C10orf90: variants seen among roughly 807,000 people sequenced by gnomAD.
The protein encoded by C10orf90 is chromosome 10 open reading frame 90.
Under a neutral mutation model 62.5 loss-of-function variants are expected in C10orf90, and 56 were observed. That is an observed-to-expected ratio of 0.90 (90% confidence interval 0.72 to 1.12). The LOEUF (loss-of-function observed/expected upper bound fraction) is 1.12. C10orf90 is among the 50% of genes most tolerant of loss of function. The probability of loss-of-function intolerance (pLI) is 0.00; values close to 1 mark genes in which losing one functional copy is unlikely to be tolerated. For missense variants in C10orf90, 970 were observed against 880.4 expected (o/e 1.10, Z -1.29); for synonymous variants, 386 against 340.4 (o/e 1.13, Z -1.47).
intron 2 of C10orf90, among the ~76,000 whole-genome samples, chr10:126,525,077 C>G (rs1189383910): frequency 6.6e-6 from 1 of 152,184 alleles, no homozygotes; most frequent in South Asian, 2.1e-4. Context: ...CCAGCTTCCC[C>G]CTAAGGGAGA....
chr10:126,470,751 A>G (rs1277922612), intron 4 of C10orf90, among the ~76,000 whole-genome samples: 2 of 144,984 alleles, frequency 1.4e-5, no homozygotes, highest in Non-Finnish European at 3.0e-5. Context: ...CTCTGTCTCA[A>G]AAAAAAAAAA....
chr10:126,489,105 C>T (rs1046209978), intron 4 of C10orf90, among the ~76,000 whole-genome samples: 13 of 151,984 alleles, frequency 8.6e-5, no homozygotes, highest in Middle Eastern at 6.8e-3. Flanking sequence ...TCCTCACAAA[C>T]ATAAATAAAA....
At position 126,566,802 on chromosome 10, in the gene C10orf90, A is replaced by C. The variant is rs57579499; in HGVS notation, c.314-52863T>G. Among the ~76,000 whole-genome samples, 393 of 152,244 alleles carry C rather than the reference A, an allele frequency of 2.6e-3. 2 individuals are homozygous for C. Among genetic ancestry groups the C allele is most frequent in the South Asian group, 6.2e-3 (30 of 4,828 alleles). The stretch of plus-strand genomic sequence containing the variant: ...GAGGGGCAAGAGCGGAGGCAGCGAG[A>C]CCAGTTAAGAGGATACATCTGGGAG... On this transcript the variant is annotated intron_variant, in intron 2 of 9. Transcript: ENST00000488181.
At chr10:126,506,566 A>C (rs531226705) in intron 3 of C10orf90, among the ~76,000 whole-genome samples, 4 of 152,358 alleles carry the variant, frequency 2.6e-5, no homozygotes, top group Admixed American at 6.5e-5. Flanking sequence ...GGGATGTTAC[A>C]ACTGCAAGTT....
In C10orf90 at chr10:126,586,335, C is replaced by T. The variant is rs570892585; in HGVS notation, c.313+60230G>A. The stretch of plus-strand genomic sequence containing the variant: ...GCTGGGGCTCCCCAGCAGCTGTGGC[C>T]TGGAAACCCATGGCTTTAATTAAGC... On this transcript the variant is annotated intron_variant, in intron 2 of 9. Coordinates refer to ENST00000488181, the MANE Select transcript of C10orf90 (RefSeq NM_001350921.2). Among the ~76,000 whole-genome samples, 10 of 152,312 alleles carry T rather than the reference C, an allele frequency of 6.6e-5. 1 individual carries two copies. The highest frequency in any genetic ancestry group is 2.2e-4 in the African/African-American group (9 of 41,566).
At chr10:126,509,336 A>G (rs929474500) in intron 3 of C10orf90, among the ~76,000 whole-genome samples, 2 of 152,228 alleles carry the variant, frequency 1.3e-5, no homozygotes, top group Non-Finnish European at 2.9e-5. Flanking sequence ...GTAATTCTCC[A>G]GTACTCTTCC....
Position 126,456,242 on chromosome 10 carries a change from T to C in C10orf90, c.2188+2798A>G, listed in dbSNP as rs1175534359. Among the ~76,000 whole-genome samples, 1 of 152,232 alleles carries C rather than the reference T, an allele frequency of 6.6e-6. No homozygotes were observed. The highest frequency in any genetic ancestry group is 1.9e-4 in the East Asian group (1 of 5,196). On this transcript the variant is annotated intron_variant, in intron 7 of 9. Coordinates refer to ENST00000488181, the MANE Select transcript of C10orf90 (RefSeq NM_001350921.2). This position sits in a 1 kb window ranked among gnomAD's most constrained non-coding sequence, Gnocchi z 4.9. ...ATTTCTTCTCACTTGCCCGAGCTTG[T>C]ATGAGGCTCTGGTTTCAGAGGCTGT...
chr10:126,594,491 C>T (rs1373717259), intron 2 of C10orf90, among the ~76,000 whole-genome samples: 1 of 152,184 alleles, frequency 6.6e-6, no homozygotes, highest in Admixed American at 6.5e-5. Context: ...TTCACCTACA[C>T]CAACCTCTGT....
At chr10:126,501,400 G>T (rs74770413) in intron 4 of C10orf90, among the ~76,000 whole-genome samples, 5,211 of 152,264 alleles carry the variant, frequency 0.034, 90 homozygotes, top group Non-Finnish European at 0.041. Flanking sequence ...AGGGGTGCAC[G>T]TGTAGGTGAA....
intron 2 of C10orf90, among the ~76,000 whole-genome samples, chr10:126,600,864 C>G (rs1299901446): frequency 1.3e-5 from 2 of 152,162 alleles, no homozygotes; most frequent in Non-Finnish European, 2.9e-5. Context: ...GATGAAATAA[C>G]CGCCTTGTAA....
chr10:126,440,570 C>A (rs1191056635), intron 7 of C10orf90, among the ~76,000 whole-genome samples: 1 of 152,154 alleles, frequency 6.6e-6, no homozygotes, highest in Non-Finnish European at 1.5e-5. Context: ...CACCTCCCAG[C>A]AGGAGGCCAA....
chr10:126,635,897 A>G (rs1845941401), intron 2 of C10orf90, among the ~76,000 whole-genome samples: 1 of 42,136 alleles, frequency 2.4e-5, no homozygotes, highest in Non-Finnish European at 4.5e-5. Flanking sequence ...CCAAATGGTC[A>G]AGGTAGTTTG....
chr10:126,583,740 T>C (rs1844800623), intron 2 of C10orf90, among the ~76,000 whole-genome samples: 1 of 152,184 alleles, frequency 6.6e-6, no homozygotes, highest in South Asian at 2.1e-4. Flanking sequence ...CCTCTAGTAA[T>C]ACTTTCCCAG....
rs530397645 is a variant in C10orf90, at chr10:126,436,079, C to T, written c.2189-6229G>A. Among the ~76,000 whole-genome samples the T allele has an allele frequency of 7.2e-5, 11 of 152,284 alleles. No individual in the cohort carries two copies. The South Asian group carries it at 1.2e-3, about 17-fold the overall frequency. Reference sequence around the variant, plus strand: ...CACATCACCTCCTAATTCAGGTTGCCCGTAGTGCCAAAGACCCACGGAACA... The same window carrying T: ...CACATCACCTCCTAATTCAGGTTGCTCGTAGTGCCAAAGACCCACGGAACA... On this transcript the variant is annotated intron_variant, in intron 7 of 9. Coordinates refer to ENST00000488181, the MANE Select transcript of C10orf90 (RefSeq NM_001350921.2).
intron 1 of C10orf90, among the ~76,000 whole-genome samples, chr10:126,654,373 C>T (rs146718081): frequency 5.3e-5 from 8 of 152,306 alleles, no homozygotes; most frequent in Non-Finnish European, 1.2e-4. Context: ...GCTGCTTCGC[C>T]GTGCACTTTG....
At chr10:126,608,629 A>T (rs2133797460) in intron 2 of C10orf90, among the ~76,000 whole-genome samples, 1 of 152,328 alleles carries the variant, frequency 6.6e-6, no homozygotes, top group African/African-American at 2.4e-5. Flanking sequence ...TTCTTCATAT[A>T]TTTCAATCCA....
chr10:126,514,438 G>C (rs761331596), intron 2 of C10orf90, among the ~76,000 whole-genome samples: 1 of 152,148 alleles, frequency 6.6e-6, no homozygotes, highest in African/African-American at 2.4e-5. Context: ...ATCATATAAT[G>C]ACACACTCTA....
chr10:126,533,069 A>T (rs149718252), intron 2 of C10orf90, among the ~76,000 whole-genome samples: 1,656 of 150,946 alleles, frequency 0.011, 38 homozygotes, highest in African/African-American at 0.038. Context: ...AGTAGCTGGG[A>T]CTACAGGAAC....
intron 2 of C10orf90, among the ~76,000 whole-genome samples, chr10:126,597,087 T>C (rs1845102077): frequency 6.6e-6 from 1 of 152,236 alleles, no homozygotes; most frequent in Non-Finnish European, 1.5e-5. Flanking sequence ...TCTCAACTTT[T>C]GTATATTGCT....
Sources: allele counts gnomAD v4.1 joint callset (sites outside exome capture counted in the v4.1 genomes callset), GRCh38; gene constraint gnomAD v4.1.1; non-coding constraint Gnocchi (gnomAD v3.1); transcripts MANE v1.5; gene names NCBI Gene and HGNC (gene_info 2026-07-23, HGNC 2026-07-21).